The following MEGF11 variants were observed in gnomAD, a reference collection of about 807,000 sequenced individuals.
MEGF11 encodes multiple epidermal growth factor-like domains protein 11.
A neutral mutation model predicts 146.6 loss-of-function variants in MEGF11; 126 were observed. That is an observed-to-expected ratio of 0.86 (90% CI 0.74 to 1.00). The LOEUF (loss-of-function observed/expected upper bound fraction) is 1.00, where lower values mean the gene tolerates loss of function less well. MEGF11 is among the 50% of genes least tolerant of loss of function. MEGF11 has a pLI of 0.00. For missense variants in MEGF11, 1,509 were observed against 1,521.2 expected, an observed-to-expected ratio of 0.99 and a Z score of 0.13; for synonymous variants, 532 against 583.4, an observed-to-expected ratio of 0.91 and a Z score of 1.27.
At position 65,914,861 on chromosome 15, in the gene MEGF11, A is replaced by T. The variant is rs1417321978; in HGVS notation, c.2473+609T>A. Among the ~76,000 whole-genome samples the T allele has an allele frequency of 2.0e-5, 3 of 152,226 alleles. No individual in the cohort carries two copies. In the East Asian group the frequency reaches 5.8e-4, roughly 29 times the overall value. The stretch of plus-strand genomic sequence containing the variant: ...AGCACATTATAAAGGCTTTTATATA[A>T]CAAAGCCAGCATTTATTGGAGTGTT... On this transcript the variant is annotated intron_variant, in intron 19 of 25. Transcript: ENST00000395614.
At chr15:66,248,953 A>G (rs2092334369) in intron 1 of MEGF11, among the ~76,000 whole-genome samples, 1 of 152,186 alleles carries the variant, frequency 6.6e-6, no homozygotes, top group Non-Finnish European at 1.5e-5. Context: ...CCAGATGAAA[A>G]ATGCTGGCGT....
At chr15:66,152,043 AGCCTCGGC>A (rs2089589294) in intron 1 of MEGF11, among the ~76,000 whole-genome samples, 1 of 152,206 alleles carries the variant, frequency 6.6e-6, no homozygotes, top group African/African-American at 2.4e-5. Context: ...CCAAGGCCCC[AGCCTCGGC>A]GCCTCTCCTC....
chr15:66,029,185 T>G (rs1020704775), intron 5 of MEGF11, among the ~76,000 whole-genome samples: 4 of 152,042 alleles, frequency 2.6e-5, no homozygotes, highest in African/African-American at 9.7e-5. Flanking sequence ...CTCAAATGAT[T>G]CTGGGTACTT....
chr15:66,219,253 T>C (rs888399363), intron 1 of MEGF11, among the ~76,000 whole-genome samples: 1 of 152,160 alleles, frequency 6.6e-6, no homozygotes, highest in South Asian at 2.1e-4. Context: ...AAAGACACTG[T>C]GAAGAGAATG....
intron 1 of MEGF11, among the ~76,000 whole-genome samples, chr15:66,241,613 G>A (rs566261328): frequency 7.5e-4 from 114 of 152,188 alleles, no homozygotes; most frequent in Middle Eastern, 6.8e-3. Flanking sequence ...GCTTTTTTGC[G>A]GGGAGGAGGA....
chr15:66,077,685 A>G (rs952763050), intron 5 of MEGF11, among the ~76,000 whole-genome samples: 5 of 152,214 alleles, frequency 3.3e-5, no homozygotes, highest in African/African-American at 1.2e-4. Flanking sequence ...AAGAGGCCTC[A>G]GGGGATACGG....
At chr15:66,107,411 G>A (rs962177465) in intron 4 of MEGF11, among the ~76,000 whole-genome samples, 1 of 152,198 alleles carries the variant, frequency 6.6e-6, no homozygotes, top group Non-Finnish European at 1.5e-5. Context: ...CCAGGAGGGA[G>A]GAAGGCGCTC....
At chr15:65,954,777 A>G (rs1007648846) in intron 10 of MEGF11, among the ~76,000 whole-genome samples, 1 of 152,194 alleles carries the variant, frequency 6.6e-6, no homozygotes, top group Non-Finnish European at 1.5e-5. Context: ...CAGTGAGCAA[A>G]CAGATGCTAG....
chr15:66,076,956 C>A (rs2085616524), intron 5 of MEGF11, among the ~76,000 whole-genome samples: 3 of 152,262 alleles, frequency 2.0e-5, no homozygotes, highest in Admixed American at 6.5e-5. Flanking sequence ...AGCATCCTCT[C>A]TCTTCCCATA....
chr15:66,061,876 G>A (rs1214256869), intron 5 of MEGF11, among the ~76,000 whole-genome samples: 3 of 152,186 alleles, frequency 2.0e-5, no homozygotes, highest in Admixed American at 1.3e-4. Flanking sequence ...GGGCTCAAGT[G>A]ATCCTCCTGC....
chr15:66,046,833 C>T (rs1202645935), intron 5 of MEGF11, among the ~76,000 whole-genome samples: 1 of 152,196 alleles, frequency 6.6e-6, no homozygotes, highest in East Asian at 1.9e-4. Context: ...ATTTTTCCCT[C>T]CCCTCTGCCC....
At chr15:66,020,800 G>A (rs1316964861) in intron 5 of MEGF11, among the ~76,000 whole-genome samples, 1 of 152,044 alleles carries the variant, frequency 6.6e-6, no homozygotes, top group East Asian at 1.9e-4. Context: ...AGACCATCTT[G>A]GCTAACACAG....
At chr15:65,924,186 G>C (rs944430801) in intron 13 of MEGF11, among the ~76,000 whole-genome samples, 10 of 152,040 alleles carry the variant, frequency 6.6e-5, no homozygotes, top group Non-Finnish European at 1.0e-4. Flanking sequence ...GAGGAGAGGG[G>C]AGGGAGGGTG....
chr15:66,018,645 G>A (rs1183681615), intron 5 of MEGF11, among the ~76,000 whole-genome samples: 1 of 151,728 alleles, frequency 6.6e-6, no homozygotes, highest in Non-Finnish European at 1.5e-5. Flanking sequence ...GTGCGAGCGG[G>A]TGCCTGCCTA....
At chr15:65,953,680 T>C (rs1335428447) in intron 10 of MEGF11, among the ~76,000 whole-genome samples, 2 of 152,094 alleles carry the variant, frequency 1.3e-5, no homozygotes, top group Non-Finnish European at 1.5e-5. Context: ...AGAGGAAACA[T>C]CCAGTATTTC....
chr15:66,251,316 C>G (rs2092367392), intron 1 of MEGF11, among the ~76,000 whole-genome samples: 1 of 152,238 alleles, frequency 6.6e-6, no homozygotes, highest in South Asian at 2.1e-4. Flanking sequence ...ATCTTGCCTT[C>G]TCCACGGACT....
At chr15:66,105,865 C>T (rs2087047897) in intron 4 of MEGF11, among the ~76,000 whole-genome samples, 1 of 152,198 alleles carries the variant, frequency 6.6e-6, no homozygotes, top group Non-Finnish European at 1.5e-5. Flanking sequence ...GCTATAGTCC[C>T]TGCACCTGGC....
intron 3 of MEGF11, among the ~76,000 whole-genome samples, chr15:66,122,036 G>A (rs182118978): frequency 3.3e-5 from 5 of 152,238 alleles, no homozygotes; most frequent in South Asian, 2.1e-4. Flanking sequence ...AAGCTGAGGC[G>A]AGCAGATCAC....
At chr15:66,171,163 T>C (rs963747386) in intron 1 of MEGF11, among the ~76,000 whole-genome samples, 1 of 152,186 alleles carries the variant, frequency 6.6e-6, no homozygotes, top group Admixed American at 6.5e-5. Context: ...GTGGCTCTTG[T>C]TGGAGTCACG....
Sources: allele counts gnomAD v4.1 joint callset (sites outside exome capture counted in the v4.1 genomes callset), GRCh38; gene constraint gnomAD v4.1.1; transcripts MANE v1.5; gene names NCBI Gene and HGNC (gene_info 2026-07-23, HGNC 2026-07-21).